The following SDK1 variants were observed in gnomAD, a reference collection of about 807,000 sequenced individuals.
SDK1 encodes sidekick cell adhesion molecule 1.
A neutral mutation model predicts 245.5 loss-of-function variants in SDK1; 157 were observed. That is an observed-to-expected ratio of 0.64 (90% CI 0.56 to 0.73). The LOEUF is 0.73. Ranked by LOEUF, SDK1 falls within the 30% of genes least tolerant of loss-of-function variation. SDK1 has a pLI of 0.00. For synonymous variants in SDK1, 1,647 were observed against 1,278.5 expected, an observed-to-expected ratio of 1.29 and a Z score of -6.15; for missense variants, 3,583 against 3,002.3, an observed-to-expected ratio of 1.19 and a Z score of -4.52.
At position 4,000,325 on chromosome 7, in the gene SDK1, G is replaced by A. The variant is rs575967476; in HGVS notation, c.2132-10641G>A. Among the ~76,000 whole-genome samples, 441 of 152,302 alleles carry A rather than the reference G, an allele frequency of 2.9e-3. 2 individuals carry two copies. Among genetic ancestry groups the A allele is most frequent in the South Asian group, 4.1e-3 (20 of 4,828 alleles). On this transcript the variant is annotated intron_variant, in intron 14 of 44. Coordinates refer to ENST00000404826, the MANE Select transcript of SDK1 (RefSeq NM_152744.4). ...CATGGAACGTTCTGGTGCCCCCAGC[G>A]GCCTGATGCTTTTTTGTGCCTCTCC...
At chr7:3,371,199 A>G (rs139328032) in intron 1 of SDK1, among the ~76,000 whole-genome samples, 8 of 152,238 alleles carry the variant, frequency 5.3e-5, no homozygotes, top group African/African-American at 1.9e-4. Flanking sequence ...AACACATCTC[A>G]TTTACAAGTT....
chr7:3,912,486 C>G (rs562387254), intron 5 of SDK1, among the ~76,000 whole-genome samples: 30 of 152,296 alleles, frequency 2.0e-4, no homozygotes, highest in Admixed American at 1.8e-3. Context: ...GGCGCTGAAG[C>G]AAGAAGAAAG....
chr7:3,544,280 A>G (rs1414359799), intron 1 of SDK1, among the ~76,000 whole-genome samples: 2 of 152,244 alleles, frequency 1.3e-5, no homozygotes, highest in East Asian at 1.9e-4. Flanking sequence ...TTTAAAAGAC[A>G]TTTTCCCTTT....
chr7:3,591,438 G>A (rs893253512), intron 1 of SDK1, among the ~76,000 whole-genome samples: 4 of 152,232 alleles, frequency 2.6e-5, no homozygotes, highest in African/African-American at 9.7e-5. Flanking sequence ...ATTCCTGCCT[G>A]GATGTCCTTT....
intron 1 of SDK1, among the ~76,000 whole-genome samples, chr7:3,526,230 C>T (rs574291416): frequency 3.3e-5 from 5 of 149,858 alleles, no homozygotes; most frequent in Non-Finnish European, 5.9e-5. Flanking sequence ...GAGACTCCGT[C>T]GCAAAAAAAG....
intron 17 of SDK1, among the ~76,000 whole-genome samples, chr7:4,027,240 T>A (rs965499312): frequency 1.3e-5 from 2 of 152,180 alleles, no homozygotes; most frequent in Non-Finnish European, 2.9e-5. Context: ...GAAATTTCAC[T>A]GTGTAGAGAA....
chr7:3,990,752 G>T lies in SDK1; in HGVS notation c.2131+3430G>T, dbSNP rs1343677357. ...TTCATCTCTCCAGTGGAGTCCTCTT[G>T]TGATGCACTGAAAATTACAGTCATG... On this transcript the variant is annotated intron_variant, in intron 14 of 44. Transcript: ENST00000404826. Among the ~76,000 whole-genome samples the T allele has an allele frequency of 2.6e-5, 4 of 152,326 alleles. No individual in the cohort carries two copies. In the East Asian group the frequency reaches 7.7e-4, roughly 29 times the overall value.
chr7:3,799,809 A>C (rs745534155), intron 4 of SDK1, among the ~76,000 whole-genome samples: 3 of 151,986 alleles, frequency 2.0e-5, no homozygotes, highest in Admixed American at 6.6e-5. Flanking sequence ...CCAAATGCTA[A>C]ATTTGGAACT....
intron 44 of SDK1, 109 bp from the exon 45 acceptor site, chr7:4,265,015 C>G: frequency 6.7e-7 from 1 of 1,483,054 alleles, no homozygotes; most frequent in Non-Finnish European, 9.0e-7. Flanking sequence ...GGCTGGAGAC[C>G]GCGACACACG....
rs59031986 is a variant in SDK1, at chr7:3,342,896, A to G, written c.298+41012A>G. ...ATCAACAGACTTTTCACCAAAGAGG[A>G]TATTTAAGTGGCAAATAATCACAGA... On this transcript the variant is annotated intron_variant, in intron 1 of 44. Transcript: ENST00000404826. 9.8e-3 allele frequency among the ~76,000 whole-genome samples: 1,487 copies of G among 152,212 alleles called. 24 individuals are homozygous for G. The highest frequency in any genetic ancestry group is 0.033 in the African/African-American group (1,382 of 41,542).
chr7:3,319,878 C>CTTTTTTTTT lies in SDK1; in HGVS notation c.298+18003_298+18011dup, dbSNP rs57770805. 2.3e-3 allele frequency among the ~76,000 whole-genome samples: 200 copies of CTTTTTTTTT among 88,092 alleles called. 16 individuals carry two copies. Among genetic ancestry groups the CTTTTTTTTT allele is most frequent in the African/African-American group, 8.3e-3 (180 of 21,702 alleles). The allele number at this position is 88,092 out of a possible 152,430, so 57.8% of individuals were successfully genotyped here. A position where few individuals can be genotyped will look rare whatever the true frequency, so the allele number is the denominator to read the frequency against. Reference sequence around the variant, plus strand: ...TGCCTATATCTAACCCATTCTTAGTCTTTTTTTTTTTTTTTTTGCATTTGC... The same window carrying CTTTTTTTTT: ...TGCCTATATCTAACCCATTCTTAGTCTTTTTTTTTTTTTTTTTTTTTTTTTTGCATTTGC... On this transcript the variant is annotated intron_variant, in intron 1 of 44. Coordinates refer to ENST00000404826, the MANE Select transcript of SDK1 (RefSeq NM_152744.4).
chr7:3,877,786 C>G (rs1170654270), intron 5 of SDK1, among the ~76,000 whole-genome samples: 1 of 152,326 alleles, frequency 6.6e-6, no homozygotes, highest in East Asian at 1.9e-4. Flanking sequence ...ACTCAGTGCT[C>G]TATCACAGAC....
intron 17 of SDK1, among the ~76,000 whole-genome samples, chr7:4,037,891 A>C (rs575428512): frequency 6.6e-6 from 1 of 152,262 alleles, no homozygotes; most frequent in South Asian, 2.1e-4. Context: ...TTGGTATCCA[A>C]AACTTATAAT....
chr7:3,501,981 T>G (rs1425858374), intron 1 of SDK1, among the ~76,000 whole-genome samples: 1 of 152,216 alleles, frequency 6.6e-6, no homozygotes, highest in African/African-American at 2.4e-5. Context: ...TATGTTTGTT[T>G]TAACAGCTGG....
chr7:3,982,550 A>C (rs1453213322), intron 13 of SDK1, among the ~76,000 whole-genome samples: 3 of 152,234 alleles, frequency 2.0e-5, no homozygotes, highest in Non-Finnish European at 4.4e-5. Flanking sequence ...ACCATTAAGA[A>C]TGTTTGTGGG....
chr7:3,757,735 G>T (rs1028604528), intron 4 of SDK1, among the ~76,000 whole-genome samples: 10 of 152,152 alleles, frequency 6.6e-5, no homozygotes, highest in Admixed American at 2.6e-4. Flanking sequence ...TTGCTGGAGG[G>T]TTTTCATGGA....
intron 4 of SDK1, among the ~76,000 whole-genome samples, chr7:3,804,320 G>C (rs1233030861): frequency 6.6e-6 from 1 of 152,092 alleles, no homozygotes; most frequent in East Asian, 1.9e-4. Context: ...ATCTCCAGTT[G>C]CTTTGGTACC....
At chr7:3,706,773 C>T (rs1314349027) in intron 4 of SDK1, among the ~76,000 whole-genome samples, 2 of 152,110 alleles carry the variant, frequency 1.3e-5, no homozygotes, top group Non-Finnish European at 2.9e-5. Context: ...TCTGTTTCTT[C>T]TTGATTTAAT....
Position 3,619,132 on chromosome 7 carries a change from G to A in SDK1, c.351G>A (p.Leu117=). The change falls in exon 2 of 45, where the codon CTG becomes CTA. Residue 117 remains leucine, a synonymous_variant. Coordinates refer to ENST00000404826, the MANE Select transcript of SDK1 (RefSeq NM_152744.4). ...AGCCAGGCCTACCACAGATCCACCT[G>A]GAAGGGAACCGCCTTGTTCTCACCT... ...KTEPGLPQIH[L]EGNRLVLTCL... is the part of the protein sequence containing the mutation. The A allele has an allele frequency of 6.2e-7, 1 of 1,613,742 alleles. No individual in the cohort carries two copies. The highest frequency in any genetic ancestry group is 8.5e-7 in the Non-Finnish European group (1 of 1,179,734).
Sources: allele counts gnomAD v4.1 joint callset (sites outside exome capture counted in the v4.1 genomes callset), GRCh38; gene constraint gnomAD v4.1.1; transcripts MANE v1.5; gene names NCBI Gene and HGNC (gene_info 2026-07-23, HGNC 2026-07-21).